Variants in MAML3 observed in about 807,000 individuals in gnomAD.
The protein encoded by MAML3 is mastermind like transcriptional coactivator 3, also known as mastermind-like protein 3.
A neutral mutation model predicts 101.9 loss-of-function variants in MAML3; 27 were observed. The ratio of observed to expected loss-of-function variants is 0.27; its 90% CI spans 0.20 to 0.37. MAML3 has a LOEUF of 0.37. MAML3 is among the 10% of genes least tolerant of loss of function. The pLI is 1.00. For synonymous variants in MAML3, 501 were observed against 555.9 expected, an observed-to-expected ratio of 0.90 and a Z score of 1.39; for missense variants, 1,316 against 1,444.9, an observed-to-expected ratio of 0.91 and a Z score of 1.45.
At chr4:140,003,194 C>T (rs2110847377) in intron 1 of MAML3, among the ~76,000 whole-genome samples, 1 of 152,286 alleles carries the variant, frequency 6.6e-6, no homozygotes, top group Admixed American at 6.5e-5. Context: ...ACTTCACCTC[C>T]TGCCCCCAGG....
chr4:139,849,961 A>G (rs188054788), intron 2 of MAML3, among the ~76,000 whole-genome samples: 2 of 152,330 alleles, frequency 1.3e-5, no homozygotes, highest in Admixed American at 1.3e-4. Context: ...ATACTCATGG[A>G]CCTTTATACT....
chr4:140,111,221 A>C (rs75222890), intron 1 of MAML3, among the ~76,000 whole-genome samples: 2,091 of 152,264 alleles, frequency 0.014, 46 homozygotes, highest in African/African-American at 0.046. Context: ...CAGCCACGTT[A>C]ATTATTTGGT....
chr4:139,943,217 G>A (rs527596280), intron 1 of MAML3, among the ~76,000 whole-genome samples: 2 of 152,260 alleles, frequency 1.3e-5, no homozygotes, highest in South Asian at 4.1e-4. Flanking sequence ...TTCTCTTACA[G>A]AAGAGATGAA....
chr4:139,848,768 T>C (rs914576183), intron 2 of MAML3, among the ~76,000 whole-genome samples: 7 of 152,166 alleles, frequency 4.6e-5, no homozygotes, highest in Non-Finnish European at 1.5e-5. Context: ...GGAAGTAAGA[T>C]TGTTTTCCCT....
intron 1 of MAML3, among the ~76,000 whole-genome samples, chr4:140,006,840 G>A (rs1726461730): frequency 6.6e-6 from 1 of 152,070 alleles, no homozygotes; most frequent in Admixed American, 6.5e-5. Flanking sequence ...GACTTACATA[G>A]AGCTTACCCG....
At chr4:139,915,521 C>T (rs1361169572) in intron 1 of MAML3, among the ~76,000 whole-genome samples, 1 of 152,192 alleles carries the variant, frequency 6.6e-6, no homozygotes, top group Non-Finnish European at 1.5e-5. Context: ...TTTAGTTCTG[C>T]TCTTAGTACT....
chr4:139,749,886 C>CCA (rs1553953893), intron 2 of MAML3, among the ~76,000 whole-genome samples: 4,565 of 63,040 alleles, frequency 0.072, 230 homozygotes, highest in East Asian at 0.37. Flanking sequence ...TGAATAAGAA[C>CCA]CCCCCCCCAC....
chr4:140,012,266 C>T (rs1010979294), intron 1 of MAML3, among the ~76,000 whole-genome samples: 5 of 152,102 alleles, frequency 3.3e-5, no homozygotes, highest in East Asian at 1.9e-4. Flanking sequence ...TTGGTTTCTA[C>T]GAGGTAGAAA....
At chr4:139,817,188 T>C (rs1250967443) in intron 2 of MAML3, among the ~76,000 whole-genome samples, 1 of 152,216 alleles carries the variant, frequency 6.6e-6, no homozygotes, top group Non-Finnish European at 1.5e-5. Flanking sequence ...GTTCAAATGC[T>C]TCTATGTACT....
intron 2 of MAML3, among the ~76,000 whole-genome samples, chr4:139,748,752 G>A (rs1449772134): frequency 9.7e-6 from 1 of 103,344 alleles, no homozygotes; most frequent in Non-Finnish European, 1.9e-5. Flanking sequence ...TTGGAAAGTT[G>A]AGCAATTTCA....
chr4:139,815,659 C>A (rs1227638355), intron 2 of MAML3, among the ~76,000 whole-genome samples: 1 of 152,180 alleles, frequency 6.6e-6, no homozygotes, highest in Non-Finnish European at 1.5e-5. Flanking sequence ...ATTCATGGTG[C>A]ATTTTTTAAA....
chr4:140,036,861 T>C (rs1726993906), intron 1 of MAML3, among the ~76,000 whole-genome samples: 1 of 152,212 alleles, frequency 6.6e-6, no homozygotes. Flanking sequence ...GTGTGTATTT[T>C]AGAAAACACC....
intron 1 of MAML3, among the ~76,000 whole-genome samples, chr4:140,034,514 C>T (rs1463761204): frequency 2.0e-5 from 3 of 152,138 alleles, no homozygotes; most frequent in African/African-American, 7.2e-5. Context: ...GCTGGGTGGG[C>T]CCAACCTGAG....
At chr4:139,726,557 G>A (rs569967711) in intron 3 of MAML3, among the ~76,000 whole-genome samples, 462 of 152,126 alleles carry the variant, frequency 3.0e-3, no homozygotes, top group African/African-American at 0.011. Context: ...AAAGGGACAA[G>A]CAACTGCTTT....
chr4:139,830,408 C>CTCTTTTT (rs1560807162), intron 2 of MAML3, among the ~76,000 whole-genome samples: 1 of 143,532 alleles, frequency 7.0e-6, no homozygotes, highest in Non-Finnish European at 1.5e-5. Context: ...GCACGCTGTG[C>CTCTTTTT]TATTTTTTTT....
Position 140,152,940 on chromosome 4 carries a change from C to G in MAML3, c.388G>C (p.Gly130Arg). 6.2e-7 allele frequency: 1 copy of G among 1,612,592 alleles called. No individual in the cohort carries two copies. The highest frequency in any genetic ancestry group is 8.5e-7 in the Non-Finnish European group (1 of 1,179,554). Reference sequence around the variant, plus strand: ...GGTTTGCTCGGGTGCTGCTGTTTGCCGGTGCCGGCGCCCGATTTCTTGGCC... The same window carrying G: ...GGTTTGCTCGGGTGCTGCTGTTTGCGGGTGCCGGCGCCCGATTTCTTGGCC... ...QRAKKSGAGT[G>R]KQQHPSKPQQ... is the part of the protein sequence containing the mutation. The change falls in exon 1 of 5, where the codon GGC (glycine) becomes CGC (arginine). Residue 130 changes from glycine (G) to arginine (R), a missense_variant. Coordinates refer to ENST00000509479, the MANE Select transcript of MAML3 (RefSeq NM_018717.5).
chr4:139,842,247 G>A (rs568665939), intron 2 of MAML3, among the ~76,000 whole-genome samples: 1 of 152,324 alleles, frequency 6.6e-6, no homozygotes, highest in South Asian at 2.1e-4. Flanking sequence ...AGAGGTTTGA[G>A]GATGCCAAAC....
chr4:139,803,620 G>T (rs1338486854), intron 2 of MAML3, among the ~76,000 whole-genome samples: 1 of 152,132 alleles, frequency 6.6e-6, no homozygotes, highest in African/African-American at 2.4e-5. Flanking sequence ...GCAGCTGAAA[G>T]TTACTAATAC....
At chr4:140,027,555 C>T (rs1349924973) in intron 1 of MAML3, among the ~76,000 whole-genome samples, 1 of 152,224 alleles carries the variant, frequency 6.6e-6, no homozygotes, top group Non-Finnish European at 1.5e-5. Context: ...TCAAGTTGCC[C>T]TCTGCCCTAC....
Sources: allele counts gnomAD v4.1 joint callset (sites outside exome capture counted in the v4.1 genomes callset), GRCh38; gene constraint gnomAD v4.1.1; transcripts MANE v1.5; gene names NCBI Gene and HGNC (gene_info 2026-07-23, HGNC 2026-07-21).